Variants in CACNG2 observed in about 807,000 individuals in gnomAD.
CACNG2 encodes the protein voltage-dependent calcium channel gamma-2 subunit.
CACNG2 carries 3 observed loss-of-function variants against 25.9 expected under a neutral mutation model. That is an observed-to-expected ratio of 0.12 (90% CI 0.05 to 0.30). The LOEUF (loss-of-function observed/expected upper bound fraction) is 0.30, where lower values mean the gene tolerates loss of function less well. CACNG2 is among the 10% of genes least tolerant of loss of function. The pLI is 1.00. For missense variants in CACNG2, 341 were observed against 432.5 expected, an observed-to-expected ratio of 0.79 and a Z score of 1.88; for synonymous variants, 167 against 173.3, an observed-to-expected ratio of 0.96 and a Z score of 0.29.
intron 1 of CACNG2, among the ~76,000 whole-genome samples, chr22:36,695,152 G>A (rs1038558458): frequency 2.0e-5 from 3 of 151,996 alleles, no homozygotes; most frequent in East Asian, 1.9e-4. Flanking sequence ...CGAGTTCAAG[G>A]CTGCAGTGAG....
chr22:36,637,493 AGG>A (rs1213325436), intron 1 of CACNG2, among the ~76,000 whole-genome samples: 4 of 152,152 alleles, frequency 2.6e-5, no homozygotes, highest in Non-Finnish European at 4.4e-5. Flanking sequence ...CCCAGTGATC[AGG>A]GGGGCAGCTT....
chr22:36,610,859 G>T (rs1352455706), intron 1 of CACNG2, among the ~76,000 whole-genome samples: 1 of 152,178 alleles, frequency 6.6e-6, no homozygotes, highest in Non-Finnish European at 1.5e-5. Context: ...CAAGGCCTCT[G>T]CCACCCTCGC....
chr22:36,613,687 A>G (rs1935979106), intron 1 of CACNG2, among the ~76,000 whole-genome samples: 2 of 151,736 alleles, frequency 1.3e-5, no homozygotes, highest in East Asian at 3.9e-4. Flanking sequence ...ATGACCCACA[A>G]GTCTTTATAT....
intron 1 of CACNG2, among the ~76,000 whole-genome samples, chr22:36,676,001 A>G (rs1449757110): frequency 2.0e-5 from 3 of 152,154 alleles, no homozygotes; most frequent in African/African-American, 7.2e-5. Context: ...GAGGGAAAGT[A>G]GATTTGTGGC....
chr22:36,568,707 T>C (rs1374825685), intron 2 of CACNG2, among the ~76,000 whole-genome samples: 2 of 152,100 alleles, frequency 1.3e-5, no homozygotes, highest in Non-Finnish European at 2.9e-5. Context: ...TTTTAGGCAG[T>C]TTGCTGAGAT....
At chr22:36,603,849 G>A (rs1365553007) in intron 1 of CACNG2, among the ~76,000 whole-genome samples, 1 of 152,186 alleles carries the variant, frequency 6.6e-6, no homozygotes, top group Non-Finnish European at 1.5e-5. Context: ...AGATGTATAA[G>A]GAGATGAATG....
At chr22:36,615,710 T>C (rs1936011757) in intron 1 of CACNG2, among the ~76,000 whole-genome samples, 1 of 152,238 alleles carries the variant, frequency 6.6e-6, no homozygotes, top group East Asian at 1.9e-4. Flanking sequence ...CTGCTCACTG[T>C]TGCAGCACCA....
chr22:36,609,566 C>A (rs1169219618), intron 1 of CACNG2, among the ~76,000 whole-genome samples: 1 of 124,094 alleles, frequency 8.1e-6, no homozygotes, highest in African/African-American at 3.1e-5. Flanking sequence ...GGGCAGGAAT[C>A]AGCCCCCCAG....
intron 1 of CACNG2, among the ~76,000 whole-genome samples, chr22:36,634,540 A>T (rs1404586632): frequency 6.6e-6 from 1 of 152,234 alleles, no homozygotes; most frequent in Non-Finnish European, 1.5e-5. Flanking sequence ...ATTATATCAG[A>T]TACCATTACC....
intron 1 of CACNG2, among the ~76,000 whole-genome samples, chr22:36,625,574 CA>C (rs1936172004): frequency 6.6e-6 from 1 of 152,278 alleles, no homozygotes; most frequent in Admixed American, 6.5e-5. Context: ...CTTGATTCTG[CA>C]AACTGTAATG....
At chr22:36,696,899 AACTTGCCCCAG>A (rs1405993676) in intron 1 of CACNG2, among the ~76,000 whole-genome samples, 2 of 152,178 alleles carry the variant, frequency 1.3e-5, no homozygotes, top group Non-Finnish European at 2.9e-5. Context: ...GGGGTTGAGT[AACTTGCCCCAG>A]ATCACACAAG....
At chr22:36,627,399 T>C (rs1283514141) in intron 1 of CACNG2, among the ~76,000 whole-genome samples, 3 of 151,740 alleles carry the variant, frequency 2.0e-5, no homozygotes, top group Non-Finnish European at 4.4e-5. Flanking sequence ...GAAAATAGCA[T>C]TATACTTTGT....
chr22:36,605,226 C>G (rs1011728916), intron 1 of CACNG2, among the ~76,000 whole-genome samples: 1 of 152,130 alleles, frequency 6.6e-6, no homozygotes, highest in Non-Finnish European at 1.5e-5. Context: ...AGGTGCCCAC[C>G]ACCATGCCCG....
intron 1 of CACNG2, among the ~76,000 whole-genome samples, chr22:36,594,845 C>CAT (rs1491466825): frequency 8.9e-5 from 11 of 122,936 alleles, no homozygotes; most frequent in Admixed American, 7.7e-4. Context: ...TGTGTGTGTG[C>CAT]ATGTGTGTGT....
chr22:36,651,231 T>G (rs982685681), intron 1 of CACNG2, among the ~76,000 whole-genome samples: 1 of 138,474 alleles, frequency 7.2e-6, no homozygotes, highest in Non-Finnish European at 1.6e-5. Flanking sequence ...CTCCTTTTTT[T>G]TTTTTTTTTT....
At chr22:36,702,017 C>T (rs1257605846) in intron 1 of CACNG2, among the ~76,000 whole-genome samples, 2 of 152,088 alleles carry the variant, frequency 1.3e-5, no homozygotes, top group Non-Finnish European at 1.5e-5. Flanking sequence ...TTTACCCTCT[C>T]ATAGATGGCA....
At chr22:36,689,571 T>TAAGTTAATATTCTTTCTGGGCA (rs1203185080) in intron 1 of CACNG2, among the ~76,000 whole-genome samples, 7 of 152,332 alleles carry the variant, frequency 4.6e-5, no homozygotes, top group Admixed American at 2.0e-4. Flanking sequence ...GACAGGTCTT[T>TAAGTTAATATTCTTTCTGGGCA]AAGTTAATAT....
intron 1 of CACNG2, among the ~76,000 whole-genome samples, chr22:36,607,430 A>AT (rs1434635765): frequency 6.6e-6 from 1 of 151,884 alleles, no homozygotes; most frequent in Non-Finnish European, 1.5e-5. Context: ...TAATTTTTGT[A>AT]TTTTTTGTAG....
At chr22:36,651,935 C>A (rs1486368533) in intron 1 of CACNG2, among the ~76,000 whole-genome samples, 1 of 152,242 alleles carries the variant, frequency 6.6e-6, no homozygotes, top group Middle Eastern at 3.4e-3. Flanking sequence ...GTGATCTCGG[C>A]TCACTGCAAC....
Sources: gnomAD v4.1 joint callset for allele counts (sites outside exome capture counted in the v4.1 genomes callset) on GRCh38, gnomAD v4.1.1 for gene constraint, MANE v1.5 for transcripts, NCBI Gene and HGNC (gene_info 2026-07-23, HGNC 2026-07-21) for gene names.